FRMD4A: variants seen among roughly 807,000 people sequenced by gnomAD.
FRMD4A encodes FERM domain-containing protein 4A.
A neutral mutation model predicts 129.1 loss-of-function variants in FRMD4A; 29 were observed. That is an observed-to-expected ratio of 0.22 (90% CI 0.17 to 0.31). FRMD4A has a LOEUF of 0.31. Ranked by LOEUF, FRMD4A falls within the 10% of genes least tolerant of loss-of-function variation. FRMD4A has a pLI of 1.00. For synonymous variants in FRMD4A, 634 were observed against 571.6 expected, an observed-to-expected ratio of 1.11 and a Z score of -1.56; for missense variants, 1,272 against 1,375.8, an observed-to-expected ratio of 0.92 and a Z score of 1.19.
Position 14,074,907 on chromosome 10 carries a change from T to C in FRMD4A, c.46-215995A>G, listed in dbSNP as rs975436239. The C allele has an allele frequency of 2.6e-5, 4 of 152,330 alleles. No homozygotes were observed. The East Asian group carries it at 7.7e-4, about 29-fold the overall frequency. The allele number at this position is 152,330 out of a possible 1,614,324, so 9.4% of individuals were successfully genotyped here. Reference sequence around the variant, plus strand: ...TGACTTCCAGGAATTTACTCTTAGATGGTTTAATCTAGATACTACCAGAGC... The same window carrying C: ...TGACTTCCAGGAATTTACTCTTAGACGGTTTAATCTAGATACTACCAGAGC... On this transcript the variant is annotated intron_variant, in intron 2 of 24. Coordinates refer to ENST00000357447, the MANE Select transcript of FRMD4A (RefSeq NM_018027.5).
intron 2 of FRMD4A, among the ~76,000 whole-genome samples, chr10:13,941,088 C>A (rs915122990): frequency 2.0e-5 from 3 of 152,124 alleles, no homozygotes; most frequent in Non-Finnish European, 4.4e-5. Context: ...AAATGCAAAT[C>A]GTGTGATATG....
intron 2 of FRMD4A, among the ~76,000 whole-genome samples, chr10:13,917,632 C>T (rs1344947115): frequency 6.6e-6 from 1 of 152,142 alleles, no homozygotes; most frequent in Admixed American, 6.5e-5. Context: ...TACTTTCATT[C>T]TCTCTAGGGG....
chr10:13,921,750 G>A (rs1470418007), intron 2 of FRMD4A, among the ~76,000 whole-genome samples: 1 of 152,196 alleles, frequency 6.6e-6, no homozygotes, highest in Non-Finnish European at 1.5e-5. Flanking sequence ...TGGAGTTAGT[G>A]AGAGACGGAA....
intron 2 of FRMD4A, among the ~76,000 whole-genome samples, chr10:14,048,852 GAATAGAATAGAATAGAATAGAATA>G (rs1834111494): frequency 8.8e-6 from 1 of 113,590 alleles, no homozygotes; most frequent in Admixed American, 8.8e-5. Context: ...GAATAGAATA[GAATAGAATAGAATAGAATAGAATA>G]GAATAGAATA....
At chr10:14,065,868 A>G (rs1273947276) in intron 2 of FRMD4A, among the ~76,000 whole-genome samples, 2 of 152,268 alleles carry the variant, frequency 1.3e-5, no homozygotes, top group Non-Finnish European at 2.9e-5. Flanking sequence ...GGGTCACAGC[A>G]TTCTTCTCTG....
chr10:13,859,031 C>T (rs1014131590), intron 2 of FRMD4A, 119 bp from the exon 3 acceptor site: 18 of 731,148 alleles, frequency 2.5e-5, no homozygotes, highest in Middle Eastern at 3.4e-4. Context: ...CTCTGGGAGT[C>T]GGCACTGTAT....
chr10:14,192,972 T>C (rs1306203184), intron 2 of FRMD4A, among the ~76,000 whole-genome samples: 1 of 152,158 alleles, frequency 6.6e-6, no homozygotes, highest in Admixed American at 6.5e-5. Context: ...CAAAAAGAAA[T>C]AAAGAGTAAC....
chr10:13,793,316 C>A (rs866650163), intron 5 of FRMD4A, among the ~76,000 whole-genome samples: 1 of 152,024 alleles, frequency 6.6e-6, no homozygotes. Context: ...GGATTACAGG[C>A]ATGCACCATC....
chr10:14,225,034 C>T (rs749291359), intron 2 of FRMD4A, among the ~76,000 whole-genome samples: 3 of 152,154 alleles, frequency 2.0e-5, no homozygotes, highest in Admixed American at 1.3e-4. Context: ...ATGCAAGTGT[C>T]CCCCATAGTA....
chr10:13,666,257 G>A lies in FRMD4A; in HGVS notation c.1443C>T (p.Arg481=), dbSNP rs2083028729. Residue 481 remains arginine, a synonymous_variant, in exon 18 of 25, where the codon CGC becomes CGT. Coordinates refer to ENST00000357447, the MANE Select transcript of FRMD4A (RefSeq NM_018027.5). ...TGCTGACGTTGGGGTCACTGGCTAG[G>A]CGGCGGGCGGCCTCCGTAATCTGGG... ...IQSQITEAAR[R]LASDPNVSKK... 6.2e-7 allele frequency: 1 copy of A among 1,614,164 alleles called. No individual in the cohort carries two copies. The highest frequency in any genetic ancestry group is 8.5e-7 in the Non-Finnish European group (1 of 1,180,010).
chr10:13,941,760 A>G (rs1006336698), intron 2 of FRMD4A, among the ~76,000 whole-genome samples: 1 of 152,198 alleles, frequency 6.6e-6, no homozygotes, highest in African/African-American at 2.4e-5. Flanking sequence ...GCTCCTAAAA[A>G]AGGTGTGAAT....
chr10:13,967,339 AG>A (rs1220475312), intron 2 of FRMD4A, among the ~76,000 whole-genome samples: 4 of 152,104 alleles, frequency 2.6e-5, no homozygotes, highest in Admixed American at 2.0e-4. Flanking sequence ...TCCGTCTCAA[AG>A]AAAAAAAAAA....
intron 6 of FRMD4A, among the ~76,000 whole-genome samples, chr10:13,781,579 T>C (rs1293425497): frequency 4.6e-5 from 7 of 151,976 alleles, no homozygotes; most frequent in Non-Finnish European, 1.0e-4. Context: ...GGTTCCGCCA[T>C]GTTGGCCAGG....
chr10:13,757,821 G>A (rs1292245314), intron 8 of FRMD4A, among the ~76,000 whole-genome samples: 1 of 152,174 alleles, frequency 6.6e-6, no homozygotes, highest in Non-Finnish European at 1.5e-5. Flanking sequence ...TCAGCTCACT[G>A]CAACCTCCGC....
intron 15 of FRMD4A, among the ~76,000 whole-genome samples, chr10:13,688,257 A>T (rs1266830418): frequency 1.3e-5 from 2 of 152,176 alleles, no homozygotes; most frequent in Admixed American, 6.5e-5. Flanking sequence ...ACATGGATGA[A>T]ACTGGAAACC....
At chr10:13,873,848 G>A (rs2094463702) in intron 2 of FRMD4A, among the ~76,000 whole-genome samples, 2 of 151,904 alleles carry the variant, frequency 1.3e-5, no homozygotes, top group South Asian at 4.2e-4. Flanking sequence ...ACCTAGTCAT[G>A]ACACTGATAT....
chr10:13,837,807 C>T (rs1391296748), intron 3 of FRMD4A, among the ~76,000 whole-genome samples: 1 of 152,234 alleles, frequency 6.6e-6, no homozygotes, highest in Non-Finnish European at 1.5e-5. Flanking sequence ...ACACACATCT[C>T]TGGTTGCACA....
chr10:14,039,475 T>TATCTATATTGGAACCCCAAAATCAATCA (rs1833690685), intron 2 of FRMD4A, among the ~76,000 whole-genome samples: 1 of 141,318 alleles, frequency 7.1e-6, no homozygotes, highest in African/African-American at 2.8e-5. Flanking sequence ...TCTATCTATC[T>TATCTATATTGGAACCCCAAAATCAATCA]ATCTATCTAT....
In FRMD4A at chr10:14,330,781, C is replaced by A; in HGVS notation, c.-266G>T. 2.5e-6 allele frequency: 1 copy of A among 398,800 alleles called. No individual in the cohort carries two copies. Among genetic ancestry groups the A allele is most frequent in the South Asian group, 1.3e-4 (1 of 7,852 alleles). The allele number at this position is 398,800 out of a possible 1,614,324, so 24.7% of individuals were successfully genotyped here. Reference sequence around the variant, plus strand: ...TAGGAACTGACCCTTCCACCTTCCCCAGATCTACTTTTCCTCTCCAAGTAG... The same window carrying A: ...TAGGAACTGACCCTTCCACCTTCCCAAGATCTACTTTTCCTCTCCAAGTAG... On this transcript the variant is annotated 5_prime_UTR_variant, in exon 1 of 25. Coordinates refer to ENST00000357447, the MANE Select transcript of FRMD4A (RefSeq NM_018027.5).
Sources: allele counts gnomAD v4.1 joint callset (sites outside exome capture counted in the v4.1 genomes callset), GRCh38; gene constraint gnomAD v4.1.1; transcripts MANE v1.5; gene names NCBI Gene and HGNC (gene_info 2026-07-23, HGNC 2026-07-21).